Variants in CCDC85C observed in about 807,000 individuals in gnomAD.
The protein encoded by CCDC85C is coiled-coil domain containing 85C.
CCDC85C carries 18 observed loss-of-function variants against 38.3 expected under a neutral mutation model. The ratio of observed to expected loss-of-function variants is 0.47; its 90% confidence interval spans 0.33 to 0.70. CCDC85C has a LOEUF of 0.70. Among genes scored for constraint, CCDC85C ranks in the 30% least tolerant of loss-of-function variants. The pLI, the probability that CCDC85C is intolerant of heterozygous loss-of-function variation, is 0.03. For missense variants in CCDC85C, 566 were observed against 621.2 expected (o/e 0.91, Z 0.94); for synonymous variants, 264 against 293.8 (o/e 0.90, Z 1.04).
intron 3 of CCDC85C, among the ~76,000 whole-genome samples, chr14:99,519,563 C>T (rs985328513): frequency 6.6e-6 from 1 of 152,104 alleles, no homozygotes; most frequent in African/African-American, 2.4e-5. Context: ...CCAGTGTGCA[C>T]CAGAGAGAAC....
intron 3 of CCDC85C, 83 bp downstream of exon 3, chr14:99,522,050 T>G (rs1236484384): frequency 2.9e-6 from 3 of 1,032,800 alleles, no homozygotes; most frequent in Non-Finnish European, 4.4e-6. Flanking sequence ...CAGATCCTTG[T>G]GCCCCTCCGG....
Position 99,507,909 on chromosome 14 carries a change from C to A in CCDC85C, c.*7337G>T, listed in dbSNP as rs939858182. On this transcript the variant is annotated 3_prime_UTR_variant, in exon 6 of 6. Coordinates refer to ENST00000380243, the MANE Select transcript of CCDC85C (RefSeq NM_001144995.2). ...TACCGCTGGCAATAGAGGAGAAAAGCTGTAAAGTAGATGGCATTCTTTACC... is the reference window on the plus strand; with the variant it reads ...TACCGCTGGCAATAGAGGAGAAAAGATGTAAAGTAGATGGCATTCTTTACC... 2.0e-5 allele frequency: 3 copies of A among 152,228 alleles called. No individual in the cohort carries two copies. The highest frequency in any genetic ancestry group is 4.4e-5 in the Non-Finnish European group (3 of 68,048). The allele number at this position is 152,228 out of a possible 1,614,324, so 9.4% of individuals were successfully genotyped here. A position where few individuals can be genotyped will look rare whatever the true frequency, so the allele number is the denominator to read the frequency against.
At chr14:99,531,247 G>T (rs951490568) in intron 2 of CCDC85C, among the ~76,000 whole-genome samples, 11 of 152,160 alleles carry the variant, frequency 7.2e-5, no homozygotes, top group Admixed American at 6.5e-5. Context: ...TAGGGAGAGA[G>T]AATATCAGGA....
chr14:99,544,687 T>C lies in CCDC85C; in HGVS notation c.794-8599A>G, dbSNP rs967816064. The stretch of plus-strand genomic sequence containing the variant: ...CAGGGAGCGTCACTCTGAACTCCAT[T>C]ATCCTTGACCCATCTCTCCTCCGAG... On this transcript the variant is annotated intron_variant, in intron 1 of 5. Coordinates refer to ENST00000380243, the MANE Select transcript of CCDC85C (RefSeq NM_001144995.2). The surrounding 1 kb of genome is among the most constrained non-coding windows in gnomAD (Gnocchi z 5.3). Among the ~76,000 whole-genome samples the C allele has an allele frequency of 1.3e-5, 2 of 151,976 alleles. No homozygotes were observed. Among genetic ancestry groups the C allele is most frequent in the African/African-American group, 4.8e-5 (2 of 41,378 alleles).
chr14:99,590,676 C>A (rs1437326320), intron 1 of CCDC85C, among the ~76,000 whole-genome samples: 1 of 152,200 alleles, frequency 6.6e-6, no homozygotes, highest in Non-Finnish European at 1.5e-5. Flanking sequence ...GTAGGGGAAG[C>A]CTCTGTTTAT....
rs189154007 is a variant in CCDC85C, at chr14:99,588,085, C to T, written c.793+15082G>A. 1.4e-4 allele frequency among the ~76,000 whole-genome samples: 22 copies of T among 152,268 alleles called. No individual in the cohort carries two copies. In the East Asian group the frequency reaches 2.7e-3, roughly 19 times the overall value. ...CCAGGCCTGCACAGGCCTCCTGGGC[C>T]GGATTCCCCACTGGGTCTGTCGTCC... On this transcript the variant is annotated intron_variant, in intron 1 of 5. Coordinates refer to ENST00000380243, the MANE Select transcript of CCDC85C (RefSeq NM_001144995.2). The surrounding 1 kb of genome is among the most constrained non-coding windows in gnomAD (Gnocchi z 5.0).
chr14:99,591,960 C>G (rs944596448), intron 1 of CCDC85C, among the ~76,000 whole-genome samples: 4 of 152,170 alleles, frequency 2.6e-5, no homozygotes, highest in South Asian at 2.1e-4. Context: ...TCTCGAACTC[C>G]TGACCTCAGG....
rs1331213574 is a variant in CCDC85C at position 99,503,298 on chromosome 14, G to A, written c.*11948C>T. 6 of 612,068 alleles carry A rather than the reference G, an allele frequency of 9.8e-6. No homozygotes were observed. The highest frequency in any genetic ancestry group is 1.8e-5 in the Non-Finnish European group (6 of 341,412). 37.9% of individuals were successfully genotyped at this position (612,068 alleles called of 1,614,324 possible). On this transcript the variant is annotated 3_prime_UTR_variant, in exon 6 of 6. Coordinates refer to ENST00000380243, the MANE Select transcript of CCDC85C (RefSeq NM_001144995.2). ...GTGTCGTTGTGCATGCTGCTTCTGTGCAGCTGCCTGACCCCAAACAGTGGA... is the reference window on the plus strand; with the variant it reads ...GTGTCGTTGTGCATGCTGCTTCTGTACAGCTGCCTGACCCCAAACAGTGGA...
At chr14:99,553,803 C>G (rs1337670124) in intron 1 of CCDC85C, among the ~76,000 whole-genome samples, 1 of 152,220 alleles carries the variant, frequency 6.6e-6, no homozygotes, top group Admixed American at 6.5e-5. Flanking sequence ...GCCCCTGCGG[C>G]GGAGATAGGG....
At position 99,516,520 on chromosome 14, in the gene CCDC85C, TAGAC is replaced by T. The variant is rs1420482587; in HGVS notation, c.1072-238_1072-235del. On this transcript the variant is annotated intron_variant, in intron 4 of 5. Coordinates refer to ENST00000380243, the MANE Select transcript of CCDC85C (RefSeq NM_001144995.2). This position sits in a 1 kb window ranked among gnomAD's most constrained non-coding sequence, Gnocchi z 5.5. Reference sequence around the variant, plus strand: ...CATGGCTGGGCCACCCGGGAGGAAGTAGACAGGCTGGGCAAGGAAGACCCTCAGA... The same window carrying T: ...CATGGCTGGGCCACCCGGGAGGAAGTAGGCTGGGCAAGGAAGACCCTCAGA... Among the ~76,000 whole-genome samples, 1 of 152,084 alleles carries T rather than the reference TAGAC, an allele frequency of 6.6e-6. No individual in the cohort carries two copies. Among genetic ancestry groups the T allele is most frequent in the South Asian group, 2.1e-4 (1 of 4,820 alleles).
chr14:99,520,441 ACGGCCCC>A lies in CCDC85C; in HGVS notation c.975+1685_975+1691del, dbSNP rs1897287090. On this transcript the variant is annotated intron_variant, in intron 3 of 5. Coordinates refer to ENST00000380243, the MANE Select transcript of CCDC85C (RefSeq NM_001144995.2). This position sits in a 1 kb window ranked among gnomAD's most constrained non-coding sequence, Gnocchi z 4.1. ...GCCTGCCCGCCGACCAGCCCCGATCACGGCCCCTGCACCTCAGTTCATCCCATTCCTG... is the reference window on the plus strand; with the variant it reads ...GCCTGCCCGCCGACCAGCCCCGATCATGCACCTCAGTTCATCCCATTCCTG... 4.0e-5 allele frequency among the ~76,000 whole-genome samples: 4 copies of A among 100,646 alleles called. No homozygotes were observed. Among genetic ancestry groups the A allele is most frequent in the Admixed American group, 1.8e-4 (2 of 11,022 alleles). The allele number at this position is 100,646 out of a possible 152,430, so 66.0% of individuals were successfully genotyped here. A position where few individuals can be genotyped will look rare whatever the true frequency, so the allele number is the denominator to read the frequency against.
rs946877993 is a variant in CCDC85C, at chr14:99,500,214, A to G, written c.*15032T>C. 3 of 152,392 alleles carry G rather than the reference A, an allele frequency of 2.0e-5. No individual in the cohort carries two copies. The highest frequency in any genetic ancestry group is 2.0e-4 in the Admixed American group (3 of 15,296). The allele number at this position is 152,392 out of a possible 1,614,324, so 9.4% of individuals were successfully genotyped here. On this transcript the variant is annotated 3_prime_UTR_variant, in exon 6 of 6. Coordinates refer to ENST00000380243, the MANE Select transcript of CCDC85C (RefSeq NM_001144995.2). ...GTGTTGTTGGGATGATTTATTTCAA[A>G]TAAATGAAAGATTTAAACACAAAAT...
At chr14:99,599,411 C>G (rs1196011239) in intron 1 of CCDC85C, among the ~76,000 whole-genome samples, 1 of 152,064 alleles carries the variant, frequency 6.6e-6, no homozygotes, top group Non-Finnish European at 1.5e-5. Flanking sequence ...TCGTGGGGCA[C>G]AGGAGACAGG....
intron 1 of CCDC85C, among the ~76,000 whole-genome samples, chr14:99,551,316 G>A (rs528147937): frequency 6.6e-6 from 1 of 152,292 alleles, no homozygotes; most frequent in East Asian, 1.9e-4. Flanking sequence ...GCAGTGGGGG[G>A]AAGGTCACAT....
intron 1 of CCDC85C, among the ~76,000 whole-genome samples, chr14:99,559,456 G>A (rs1164130932): frequency 6.7e-6 from 1 of 150,274 alleles, no homozygotes; most frequent in African/African-American, 2.5e-5. Context: ...CATCACTGAC[G>A]AGAGAAGGCT....
In CCDC85C at chr14:99,519,466, C is replaced by T. The variant is rs1472483331; in HGVS notation, c.976-2283G>A. On this transcript the variant is annotated intron_variant, in intron 3 of 5. Coordinates refer to ENST00000380243, the MANE Select transcript of CCDC85C (RefSeq NM_001144995.2). ...AGAGTGAGGCTAAGAGAATGGCTTGCCCAAGACCAAACAGCTTGTAAACAA... is the reference window on the plus strand; with the variant it reads ...AGAGTGAGGCTAAGAGAATGGCTTGTCCAAGACCAAACAGCTTGTAAACAA... Among the ~76,000 whole-genome samples the T allele has an allele frequency of 2.0e-5, 3 of 151,998 alleles. No individual in the cohort carries two copies. The East Asian group carries it at 5.8e-4, about 29-fold the overall frequency.
rs2055237677 is a variant in CCDC85C, at chr14:99,603,734, G to A, written c.226C>T (p.Arg76Trp). Residue 76 changes from arginine to tryptophan, a missense_variant, in exon 1 of 6, where the codon CGG becomes TGG. By Grantham distance (101) the Arg-to-Trp change is moderately radical (BLOSUM62 -3). Transcript: ENST00000380243. The surrounding 1 kb of genome is among the most constrained non-coding windows in gnomAD (Gnocchi z 7.5). ...AGCTCCTGGTTGTCGTCCTGCAGCCGCTGGTTCACGTCCTTGAGGCCGCGG... is the reference window on the plus strand; with the variant it reads ...AGCTCCTGGTTGTCGTCCTGCAGCCACTGGTTCACGTCCTTGAGGCCGCGG... ...EIRGLKDVNQRLQDDNQELRE... is the reference protein window; with the variant it reads ...EIRGLKDVNQWLQDDNQELRE... 4 of 1,520,276 alleles carry A rather than the reference G, an allele frequency of 2.6e-6. No individual in the cohort carries two copies. The highest frequency in any genetic ancestry group is 1.2e-5 in the South Asian group (1 of 81,874). The allele number at this position is 1,520,276 out of a possible 1,614,324, so 94.2% of individuals were successfully genotyped here.
chr14:99,553,243 C>T (rs1004157441), intron 1 of CCDC85C, among the ~76,000 whole-genome samples: 1 of 152,192 alleles, frequency 6.6e-6, no homozygotes, highest in African/African-American at 2.4e-5. Context: ...CAGAGCCCTG[C>T]AGCTCAGGAC....
chr14:99,524,837 G>T (rs1438051727), intron 2 of CCDC85C, among the ~76,000 whole-genome samples: 1 of 152,146 alleles, frequency 6.6e-6, no homozygotes, highest in Non-Finnish European at 1.5e-5. Context: ...GAGGCAGGGG[G>T]TCCACTGCCG....
Sources: allele counts gnomAD v4.1 joint callset (sites outside exome capture counted in the v4.1 genomes callset), GRCh38; gene constraint gnomAD v4.1.1; non-coding constraint Gnocchi (gnomAD v3.1); transcripts MANE v1.5; gene names NCBI Gene and HGNC (gene_info 2026-07-23, HGNC 2026-07-21).